NEDD9: variants seen among roughly 807,000 people sequenced by gnomAD.
NEDD9 encodes neural precursor cell expressed, developmentally down-regulated 9, also known as enhancer of filamentation 1.
A neutral mutation model predicts 76.6 loss-of-function variants in NEDD9; 26 were observed. That is an observed-to-expected ratio of 0.34 (90% CI 0.25 to 0.47). The LOEUF (loss-of-function observed/expected upper bound fraction) is 0.47, where lower values mean the gene tolerates loss of function less well. NEDD9 is among the 20% of genes least tolerant of loss of function. The pLI is 1.00. For missense variants in NEDD9, 937 were observed against 1,058.5 expected, an observed-to-expected ratio of 0.89 and a Z score of 1.59; for synonymous variants, 392 against 414.2, an observed-to-expected ratio of 0.95 and a Z score of 0.65.
At position 11,308,361 on chromosome 6, in the gene NEDD9, C is replaced by CTTT. The variant is rs933892327; in HGVS notation, c.-152-2209_-152-2207dup. The stretch of plus-strand genomic sequence containing the variant: ...TTGTCCAAGTAGGAGGATGGGACAT[C>CTTT]TTTTTTTTTTTTTTTTTTTTTTTTT... On this transcript the variant is annotated intron_variant, in intron 2 of 3. Coordinates refer to the NEDD9 transcript ENST00000397378. Among the ~76,000 whole-genome samples the CTTT allele has an allele frequency of 4.9e-4, 43 of 87,862 alleles. 3 individuals are homozygous for CTTT. The highest frequency in any genetic ancestry group is 1.0e-3 in the East Asian group (3 of 2,874). 57.6% of individuals were successfully genotyped at this position (87,862 alleles called of 152,430 possible).
intron 1 of NEDD9, among the ~76,000 whole-genome samples, chr6:11,219,169 C>T (rs547721986): frequency 3.3e-5 from 5 of 152,254 alleles, no homozygotes; most frequent in Admixed American, 2.6e-4. Context: ...ACGGCTTCTA[C>T]CCCTCACCCC....
intron 1 of NEDD9, among the ~76,000 whole-genome samples, chr6:11,360,034 G>T (rs556136720): frequency 6.6e-6 from 1 of 152,210 alleles, no homozygotes; most frequent in Non-Finnish European, 1.5e-5. Flanking sequence ...TAACTAAACT[G>T]TCCATCTGTG....
chr6:11,313,408 G>A (rs1267030726), intron 2 of NEDD9, among the ~76,000 whole-genome samples: 1 of 138,056 alleles, frequency 7.2e-6, no homozygotes, highest in African/African-American at 2.6e-5. Flanking sequence ...TGGATGGATG[G>A]ATAGATGAAT....
intron 4 of NEDD9, 57 bp downstream of exon 4, chr6:11,192,288 C>CT: frequency 1.7e-6 from 1 of 582,628 alleles, no homozygotes; most frequent in Non-Finnish European, 2.6e-6. Flanking sequence ...CCTGCACCCC[C>CT]CGACACACAG....
chr6:11,342,496 G>A (rs996538059), intron 1 of NEDD9, among the ~76,000 whole-genome samples: 1 of 152,162 alleles, frequency 6.6e-6, no homozygotes, highest in Non-Finnish European at 1.5e-5. Flanking sequence ...AAACAGTAGA[G>A]GCTAGAAGAC....
intron 1 of NEDD9, among the ~76,000 whole-genome samples, chr6:11,227,488 C>CA (rs138450727): frequency 0.098 from 14,911 of 152,176 alleles, 1,582 homozygotes; most frequent in African/African-American, 0.28. Context: ...TGCCTAAGGT[C>CA]CAGAGCTATA....
At chr6:11,376,388 A>T (rs1409437683) in intron 1 of NEDD9, among the ~76,000 whole-genome samples, 1 of 152,220 alleles carries the variant, frequency 6.6e-6, no homozygotes, top group Non-Finnish European at 1.5e-5. Flanking sequence ...TGATACAGAT[A>T]TGGACAGTGA....
chr6:11,218,421 G>A (rs1328319631), intron 1 of NEDD9, among the ~76,000 whole-genome samples: 3 of 148,180 alleles, frequency 2.0e-5, no homozygotes, highest in East Asian at 2.0e-4. Context: ...TTCCTCCCTC[G>A]AAACCCATCT....
chr6:11,288,468 A>G (rs1467364897), intron 3 of NEDD9, among the ~76,000 whole-genome samples: 1 of 152,248 alleles, frequency 6.6e-6, no homozygotes, highest in African/African-American at 2.4e-5. Flanking sequence ...TGGTGTCCAC[A>G]GGATCAGAAC....
At chr6:11,332,321 A>G (rs762189045) in intron 2 of NEDD9, among the ~76,000 whole-genome samples, 3 of 152,176 alleles carry the variant, frequency 2.0e-5, no homozygotes, top group Admixed American at 2.0e-4. Flanking sequence ...GCAGTGAACA[A>G]TGGTTCAAGG....
chr6:11,250,768 G>A (rs1029195483), intron 3 of NEDD9, among the ~76,000 whole-genome samples: 11 of 152,270 alleles, frequency 7.2e-5, no homozygotes, highest in African/African-American at 2.4e-4. Flanking sequence ...TTTACACTTG[G>A]CCACTCCAGG....
chr6:11,301,947 T>A (rs145930708), intron 3 of NEDD9, among the ~76,000 whole-genome samples: 5,061 of 152,054 alleles, frequency 0.033, 291 homozygotes, highest in African/African-American at 0.11. Flanking sequence ...AACATCACAA[T>A]TAAAAGAACT....
At chr6:11,187,602 CTCTT>C (rs1758011650) in intron 6 of NEDD9, among the ~76,000 whole-genome samples, 1 of 152,188 alleles carries the variant, frequency 6.6e-6, no homozygotes, top group Admixed American at 6.5e-5. Flanking sequence ...CCCAATCAGA[CTCTT>C]TCTTGGGAAT....
At chr6:11,218,237 G>T (rs1373758293) in intron 1 of NEDD9, among the ~76,000 whole-genome samples, 1 of 152,166 alleles carries the variant, frequency 6.6e-6, no homozygotes, top group East Asian at 1.9e-4. Flanking sequence ...CATGCACACA[G>T]CTGTGCAGTA....
At chr6:11,336,307 G>C (rs1337702159) in intron 1 of NEDD9, among the ~76,000 whole-genome samples, 1 of 152,210 alleles carries the variant, frequency 6.6e-6, no homozygotes, top group African/African-American at 2.4e-5. Context: ...ATTGTACAAA[G>C]TGCATAGAGT....
intron 3 of NEDD9, chr6:11,305,015 C>T: frequency 8.5e-7 from 1 of 1,169,878 alleles, no homozygotes; most frequent in South Asian, 1.4e-5. Context: ...CAGGGAAATC[C>T]TTTTGTTACT....
At chr6:11,185,803 C>A in intron 6 of NEDD9, 132 bp from the exon 7 acceptor site, 1 of 1,031,832 alleles carries the variant, frequency 9.7e-7, no homozygotes, top group Non-Finnish European at 1.4e-6. Context: ...GCTGTAAAGC[C>A]TGGGTCAAGC....
intron 3 of NEDD9, among the ~76,000 whole-genome samples, chr6:11,284,647 T>G (rs1239795922): frequency 2.0e-5 from 3 of 151,682 alleles, no homozygotes; most frequent in Admixed American, 2.0e-4. Context: ...TCAAAACAGT[T>G]GAGAAGCATA....
intron 2 of NEDD9, among the ~76,000 whole-genome samples, chr6:11,320,660 T>C (rs1282293421): frequency 6.6e-6 from 1 of 152,198 alleles, no homozygotes; most frequent in Non-Finnish European, 1.5e-5. Flanking sequence ...TAATAGAGGA[T>C]TGGCTACATA....
Sources: gnomAD v4.1 joint callset for allele counts (sites outside exome capture counted in the v4.1 genomes callset) on GRCh38, gnomAD v4.1.1 for gene constraint, MANE v1.5 for transcripts, NCBI Gene and HGNC (gene_info 2026-07-23, HGNC 2026-07-21) for gene names.